ESR1: variants seen among roughly 807,000 people sequenced by gnomAD.
ESR1 encodes the protein estrogen receptor.
In ESR1, 12 loss-of-function variants were observed where a neutral mutation model predicts 52.7. The ratio of observed to expected loss-of-function variants is 0.23; its 90% CI spans 0.15 to 0.37. ESR1 has a LOEUF of 0.37. Among genes scored for constraint, ESR1 ranks in the 10% least tolerant of loss-of-function variants. The pLI, the probability that ESR1 is intolerant of heterozygous loss-of-function variation, is 1.00. For missense variants in ESR1, 584 were observed against 779.7 expected (o/e 0.75, Z 2.99); for synonymous variants, 305 against 316.8 (o/e 0.96, Z 0.39).
Position 152,061,263 on chromosome 6 carries a change from C to T in ESR1, c.1369+139C>T. ...CTGACACACGTTTTAAAATAACCTA[C>T]CAACATTGCAGATTCCTTATAAAGG... On this transcript the variant is annotated intron_variant, in intron 6 of 7. Transcript: ENST00000206249. The surrounding 1 kb of genome is among the most constrained non-coding windows in gnomAD (Gnocchi z 4.3). The T allele has an allele frequency of 1.2e-6, 1 of 833,942 alleles. No individual in the cohort carries two copies. The highest frequency in any genetic ancestry group is 1.4e-5 in the South Asian group (1 of 69,248). The allele number at this position is 833,942 out of a possible 1,614,324, so 51.7% of individuals were successfully genotyped here. A position where few individuals can be genotyped will look rare whatever the true frequency, so the allele number is the denominator to read the frequency against.
chr6:151,975,117 T>C (rs1360694243), intron 4 of ESR1, among the ~76,000 whole-genome samples: 2 of 152,238 alleles, frequency 1.3e-5, no homozygotes, highest in Non-Finnish European at 2.9e-5. Flanking sequence ...AAGATTGACC[T>C]GGCTAGCACA....
In ESR1 at chr6:152,122,486, G is replaced by C. The variant is rs894581389; in HGVS notation, c.851-2780G>C. On this transcript the variant is annotated intron_variant, in intron 6 of 6. Coordinates refer to the ESR1 transcript ENST00000427531. The stretch of plus-strand genomic sequence containing the variant: ...TATCTGAGCATGGGGTGGAATGACC[G>C]GGCAAAGTTGTTGGAGAGGGCACAG... 46 of 1,614,058 alleles carry C rather than the reference G, an allele frequency of 2.8e-5. No homozygotes were observed. The highest frequency in any genetic ancestry group is 3.8e-5 in the Non-Finnish European group (45 of 1,180,040).
intron 6 of ESR1, among the ~76,000 whole-genome samples, chr6:152,083,242 G>GC (rs1328186737): frequency 6.6e-6 from 1 of 152,176 alleles, no homozygotes; most frequent in African/African-American, 2.4e-5. Flanking sequence ...AACTAAAACA[G>GC]CATGGTACTG....
In ESR1 at chr6:151,736,359, C is replaced by T. The variant is rs555245387; in HGVS notation, c.-71+34354C>T. ...AAGTAATAAAAACAATAAATACTTA[C>T]TGTATTCCAGGTAGTGTTTTTTTTT... On this transcript the variant is annotated intron_variant, in intron 2 of 2. Coordinates refer to the ESR1 transcript ENST00000404742. 2.5e-4 allele frequency among the ~76,000 whole-genome samples: 31 copies of T among 125,780 alleles called. No individual in the cohort carries two copies. The South Asian group carries it at 5.8e-3, about 23-fold the overall frequency. 82.5% of individuals were successfully genotyped at this position (125,780 alleles called of 152,430 possible).
intron 4 of ESR1, among the ~76,000 whole-genome samples, chr6:151,949,081 A>T (rs2036039423): frequency 6.6e-6 from 1 of 152,164 alleles, no homozygotes; most frequent in South Asian, 2.1e-4. Flanking sequence ...TCCTCTCCTC[A>T]AAATCTACCT....
At chr6:151,850,036 AT>A (rs1786141264) in intron 2 of ESR1, among the ~76,000 whole-genome samples, 1 of 90,226 alleles carries the variant, frequency 1.1e-5, no homozygotes, top group Non-Finnish European at 2.5e-5. Context: ...AATTATATAT[AT>A]ATATAATTTT....
chr6:151,827,059 C>T (rs1781620950), intron 1 of ESR1, among the ~76,000 whole-genome samples: 2 of 152,006 alleles, frequency 1.3e-5, no homozygotes, highest in African/African-American at 4.8e-5. Context: ...CATGGTGACT[C>T]ACACCTGTAA....
exon 7 of ESR1, chr6:152,128,920 C>T (rs1428829000): frequency 6.6e-6 from 1 of 152,260 alleles, no homozygotes; most frequent in Admixed American, 6.5e-5. Context: ...TGTTCAACCA[C>T]AACCTGTCTG....
chr6:151,808,240 C>A lies in ESR1; in HGVS notation c.328C>A (p.Leu110Ile). The A allele has an allele frequency of 6.4e-7, 1 of 1,573,294 alleles. No homozygotes were observed. Among genetic ancestry groups the A allele is most frequent in the Non-Finnish European group, 8.6e-7 (1 of 1,159,600 alleles). The change falls in exon 1 of 8, where the codon CTA (leucine) becomes ATA (isoleucine). Residue 110 changes from leucine to isoleucine, a missense_variant. Leu to Ile is a conservative substitution (Grantham distance 5). Transcript: ENST00000206249. ...LNSVSPSPLMLLHPPPQLSPF... is the reference protein window; with the variant it reads ...LNSVSPSPLMILHPPPQLSPF... ...CAGCGTGTCTCCGAGCCCGCTGATG[C>A]TACTGCACCCGCCGCCGCAGCTGTC...
intron 2 of ESR1, among the ~76,000 whole-genome samples, chr6:151,865,383 A>G (rs1789697782): frequency 6.6e-6 from 1 of 152,138 alleles, no homozygotes; most frequent in African/African-American, 2.4e-5. Context: ...TTTGCAGTTG[A>G]CAAAGGGTTT....
At chr6:151,976,469 C>T (rs985929529) in intron 4 of ESR1, among the ~76,000 whole-genome samples, 7 of 151,934 alleles carry the variant, frequency 4.6e-5, no homozygotes, top group Non-Finnish European at 8.8e-5. Context: ...GACTTAACTG[C>T]TTGCTTTCAC....
At position 152,073,609 on chromosome 6, in the gene ESR1, T is replaced by TATTA. The variant is rs557438481; in HGVS notation, c.1369+12486_1369+12489dup. Among the ~76,000 whole-genome samples, 3 of 152,352 alleles carry TATTA rather than the reference T, an allele frequency of 2.0e-5. No homozygotes were observed. In the East Asian group the frequency reaches 5.8e-4, roughly 29 times the overall value. On this transcript the variant is annotated intron_variant, in intron 6 of 7. Transcript: ENST00000206249. ...TGTTTCTAAATCATTCCAGGAAAAT[T>TATTA]ATTAGTTTTCTCAAATATCTCTGGA...
chr6:151,860,956 C>T (rs1788771644), intron 2 of ESR1, among the ~76,000 whole-genome samples: 1 of 152,016 alleles, frequency 6.6e-6, no homozygotes, highest in Admixed American at 6.6e-5. Flanking sequence ...GTCATGTATC[C>T]TTGGGCTCAA....
At position 151,991,642 on chromosome 6, in the gene ESR1, C is replaced by T. The variant is rs1248159474; in HGVS notation, c.1097-20014C>T. 3.9e-5 allele frequency among the ~76,000 whole-genome samples: 6 copies of T among 152,106 alleles called. No homozygotes were observed. The East Asian group carries it at 9.6e-4, about 24-fold the overall frequency. On this transcript the variant is annotated intron_variant, in intron 4 of 7. Coordinates refer to ENST00000206249, the MANE Select transcript of ESR1 (RefSeq NM_000125.4). ...CCACACTGATTTGGGGAAGATGATT[C>T]AGACTTGTCTCAATGGCATGAGGAG... is the stretch of plus-strand genomic sequence containing the variant.
At chr6:151,857,525 T>C (rs1176242040) in intron 2 of ESR1, among the ~76,000 whole-genome samples, 1 of 151,036 alleles carries the variant, frequency 6.6e-6, no homozygotes, top group Admixed American at 6.6e-5. Flanking sequence ...GTGTATATAC[T>C]TTTTTTTCTT....
chr6:151,832,064 A>G (rs951722120), intron 1 of ESR1, among the ~76,000 whole-genome samples: 1 of 152,240 alleles, frequency 6.6e-6, no homozygotes, highest in African/African-American at 2.4e-5. Context: ...AAAAGACACC[A>G]TGATTACAAA....
chr6:152,103,905 A>G (rs2051028195), downstream of ESR1, among the ~76,000 whole-genome samples: 2 of 149,654 alleles, frequency 1.3e-5, no homozygotes, highest in Admixed American at 1.3e-4. Context: ...GGGGGTGGGT[A>G]TAGGACTTAC....
At chr6:152,034,108 A>G (rs2045030344) in intron 5 of ESR1, among the ~76,000 whole-genome samples, 1 of 135,594 alleles carries the variant, frequency 7.4e-6, no homozygotes, top group African/African-American at 2.7e-5. Context: ...ACGTGGACAC[A>G]GGAAGGGGAA....
chr6:152,049,559 C>G (rs2046503126), intron 5 of ESR1, among the ~76,000 whole-genome samples: 1 of 152,308 alleles, frequency 6.6e-6, no homozygotes, highest in Admixed American at 6.5e-5. Flanking sequence ...ACCATTTGCA[C>G]CAGCATGAAT....
Sources: allele counts gnomAD v4.1 joint callset (sites outside exome capture counted in the v4.1 genomes callset), GRCh38; gene constraint gnomAD v4.1.1; non-coding constraint Gnocchi (gnomAD v3.1); transcripts MANE v1.5; gene names NCBI Gene and HGNC (gene_info 2026-07-23, HGNC 2026-07-21).